The following EAPP variants were observed in gnomAD, a reference collection of about 807,000 sequenced individuals.
The protein encoded by EAPP is E2F-associated phosphoprotein.
A neutral mutation model predicts 34.3 loss-of-function variants in EAPP; 38 were observed. That is an observed-to-expected ratio of 1.11 (90% CI 0.85 to 1.45). The LOEUF (loss-of-function observed/expected upper bound fraction) is 1.45. Ranked by LOEUF, EAPP falls within the 40% of genes most tolerant of loss-of-function variation. The pLI is 0.00. For missense variants in EAPP, 338 were observed against 343.7 expected (o/e 0.98, Z 0.13); for synonymous variants, 113 against 117.6 (o/e 0.96, Z 0.25).
chr14:34,532,474 A>T (rs1880328641), intron 3 of EAPP, among the ~76,000 whole-genome samples: 1 of 152,086 alleles, frequency 6.6e-6, no homozygotes, highest in Non-Finnish European at 1.5e-5. Context: ...AAAAAAAAAA[A>T]ATTCTGCAGG....
At chr14:34,525,942 C>T (rs1954377915) in intron 4 of EAPP, among the ~76,000 whole-genome samples, 1 of 151,930 alleles carries the variant, frequency 6.6e-6, no homozygotes, top group South Asian at 2.1e-4. Flanking sequence ...ATCGGTTGAA[C>T]CCAGGAGACG....
At chr14:34,528,673 G>T (rs1369021957) in intron 4 of EAPP, among the ~76,000 whole-genome samples, 1 of 151,050 alleles carries the variant, frequency 6.6e-6, no homozygotes, top group Non-Finnish European at 1.5e-5. Context: ...ACCTGCCTCG[G>T]CCTCCCAAAG....
intron 5 of EAPP, among the ~76,000 whole-genome samples, chr14:34,519,788 C>A (rs1430808079): frequency 6.7e-6 from 1 of 150,202 alleles, no homozygotes; most frequent in South Asian, 2.1e-4. Context: ...TAATCCATTG[C>A]TTTTTGATTT....
At chr14:34,518,826 T>A (rs996475115) in intron 5 of EAPP, among the ~76,000 whole-genome samples, 2 of 152,216 alleles carry the variant, frequency 1.3e-5, no homozygotes, top group Non-Finnish European at 2.9e-5. Context: ...GCATGAAATA[T>A]CTTTTCCCAT....
At chr14:34,532,413 G>A (rs1243393910) in intron 3 of EAPP, among the ~76,000 whole-genome samples, 1 of 151,824 alleles carries the variant, frequency 6.6e-6, no homozygotes, top group East Asian at 1.9e-4. Context: ...GAACCAAGAT[G>A]GTGGTGCCAT....
chr14:34,523,240 T>C (rs957848201), intron 5 of EAPP, among the ~76,000 whole-genome samples: 1 of 53,136 alleles, frequency 1.9e-5, no homozygotes, highest in Non-Finnish European at 4.6e-5. Context: ...AAAAGATACC[T>C]TTTTTTTTTT....
At chr14:34,527,287 G>A (rs1339993139) in intron 4 of EAPP, among the ~76,000 whole-genome samples, 3 of 151,886 alleles carry the variant, frequency 2.0e-5, no homozygotes, top group Non-Finnish European at 4.4e-5. Flanking sequence ...GGGCAACACA[G>A]CTAGACCTCT....
At position 34,516,649 on chromosome 14, in the gene EAPP, G is replaced by C. The variant is rs1879743019; in HGVS notation, c.582-63C>G. The C allele has an allele frequency of 4.0e-6, 6 of 1,493,058 alleles. No individual in the cohort carries two copies. In the South Asian group the frequency reaches 8.2e-5, roughly 20 times the overall value. 92.5% of individuals were successfully genotyped at this position (1,493,058 alleles called of 1,614,324 possible). A position where few individuals can be genotyped will look rare whatever the true frequency, so the allele number is the denominator to read the frequency against. The stretch of plus-strand genomic sequence containing the variant: ...TCTATGTTAATAGTTTATCCATTTA[G>C]ATAAAATTTGAGAATACCAAAAACT... On this transcript the variant is annotated intron_variant, in intron 5 of 5. Transcript: ENST00000250454.
Position 34,524,657 on chromosome 14 carries a change from ATGTGTGTGTG to A in EAPP, c.581+30_581+39del, listed in dbSNP as rs367795110. On this transcript the variant is annotated intron_variant, in intron 5 of 5. Transcript: ENST00000250454. ...TGTTTCTAATTTAAACAAAATATGT[ATGTGTGTGTG>A]TGTGTGTGTGTGTGTCCTTCATCCA... is the stretch of plus-strand genomic sequence containing the variant. 3.5e-6 allele frequency: 3 copies of A among 853,968 alleles called. No individual in the cohort carries two copies. In the South Asian group the frequency reaches 4.3e-5, roughly 12 times the overall value. 52.9% of individuals were successfully genotyped at this position (853,968 alleles called of 1,614,324 possible).
chr14:34,533,183 C>T (rs1377891814), intron 3 of EAPP, among the ~76,000 whole-genome samples: 9 of 151,850 alleles, frequency 5.9e-5, no homozygotes, highest in Non-Finnish European at 1.2e-4. Context: ...TACAGGCGTG[C>T]ACCACCATGC....
chr14:34,516,300 G>T lies in EAPP; in HGVS notation c.*10C>A. 6.2e-7 allele frequency: 1 copy of T among 1,602,980 alleles called. No homozygotes were observed. The highest frequency in any genetic ancestry group is 8.5e-7 in the Non-Finnish European group (1 of 1,174,130). On this transcript the variant is annotated 3_prime_UTR_variant, in exon 6 of 6. Transcript: ENST00000250454. Reference sequence around the variant, plus strand: ...TACAGTATTGGGTAATTAAATGCCAGTTGGGCTGTTTAGGAATGGCTTGCT... The same window carrying T: ...TACAGTATTGGGTAATTAAATGCCATTTGGGCTGTTTAGGAATGGCTTGCT...
intron 2 of EAPP, 97 bp from the exon 3 acceptor site, chr14:34,533,636 A>G: frequency 5.6e-6 from 4 of 709,220 alleles, no homozygotes; most frequent in Non-Finnish European, 9.3e-6. Flanking sequence ...AACAATATCA[A>G]CTCATTCACA....
At chr14:34,535,429 C>T (rs541154582) in intron 2 of EAPP, among the ~76,000 whole-genome samples, 135 of 126,696 alleles carry the variant, frequency 1.1e-3, no homozygotes, top group Non-Finnish European at 1.8e-3. Flanking sequence ...TGCACCCGGT[C>T]GCTACAGATT....
chr14:34,517,782 AT>A (rs1006844283), intron 5 of EAPP, among the ~76,000 whole-genome samples: 18 of 148,154 alleles, frequency 1.2e-4, no homozygotes, highest in South Asian at 6.4e-4. Context: ...TAATAAATTA[AT>A]TTTTTTTTTG....
chr14:34,516,720 G>T, intron 5 of EAPP, 134 bp from the exon 6 acceptor site: 3 of 874,176 alleles, frequency 3.4e-6, no homozygotes, highest in Admixed American at 3.0e-5. Context: ...AAAACAGCAA[G>T]TTTAAAGAAA....
chr14:34,526,220 G>GGA (rs1222686800), intron 4 of EAPP, among the ~76,000 whole-genome samples: 3 of 150,428 alleles, frequency 2.0e-5, no homozygotes, highest in African/African-American at 7.3e-5. Context: ...CACAAGGTCA[G>GGA]GAGTTCAAGA....
chr14:34,527,952 GT>G lies in EAPP; in HGVS notation c.470+1405del, dbSNP rs1243367584. On this transcript the variant is annotated intron_variant, in intron 4 of 5. Transcript: ENST00000250454. ...GTTCACTTTTAAAGTGGGTACTTTT[GT>G]TATGTGAATTTTATCTCAAAAAAAA... is the stretch of plus-strand genomic sequence containing the variant. Among the ~76,000 whole-genome samples the G allele has an allele frequency of 4.6e-5, 7 of 151,912 alleles. 1 individual carries two copies. Among genetic ancestry groups the G allele is most frequent in the Non-Finnish European group, 1.0e-4 (7 of 67,976 alleles).
chr14:34,533,565 C>T (rs375512645), intron 2 of EAPP, 26 bp from the exon 3 acceptor site: 118 of 1,467,528 alleles, frequency 8.0e-5, no homozygotes, highest in Non-Finnish European at 1.0e-4. Flanking sequence ...GTAAAGTTTA[C>T]AGACTAAATC....
rs1879724589 is a variant in EAPP, at chr14:34,516,454, G to A, written c.714C>T (p.Asn238=). 3.1e-6 allele frequency: 5 copies of A among 1,614,102 alleles called. No homozygotes were observed. Among genetic ancestry groups the A allele is most frequent in the Non-Finnish European group, 2.5e-6 (3 of 1,180,022 alleles). The change falls in exon 6 of 6, where the codon AAC becomes AAT. Residue 238 remains asparagine, a synonymous_variant. Coordinates refer to ENST00000250454, the MANE Select transcript of EAPP (RefSeq NM_018453.4). ...KRRVHKKMRS[N]REDAAEKAET... ...CTGCCTTCTCGGCAGCATCTTCCCG[G>A]TTAGACCTCATCTTCTTATGGACCC...
Sources: gnomAD v4.1 joint callset for allele counts (sites outside exome capture counted in the v4.1 genomes callset) on GRCh38, gnomAD v4.1.1 for gene constraint, MANE v1.5 for transcripts, NCBI Gene and HGNC (gene_info 2026-07-23, HGNC 2026-07-21) for gene names.